Variants in MTIF2 observed in about 807,000 individuals in gnomAD.
MTIF2 encodes translation initiation factor IF-2, mitochondrial.
Under a neutral mutation model 83.5 loss-of-function variants are expected in MTIF2, and 71 were observed. The ratio of observed to expected loss-of-function variants is 0.85; its 90% CI spans 0.70 to 1.04. MTIF2 has a LOEUF of 1.04. MTIF2 is among the 50% of genes least tolerant of loss of function. MTIF2 has a pLI of 0.00. For synonymous variants in MTIF2, 319 were observed against 287.1 expected (o/e 1.11, Z -1.12); for missense variants, 957 against 846.5 (o/e 1.13, Z -1.62).
chr2:55,237,743 G>A (rs140480052), intron 14 of MTIF2, among the ~76,000 whole-genome samples: 8,802 of 136,928 alleles, frequency 0.064, 350 homozygotes, highest in Non-Finnish European at 0.09. Flanking sequence ...CTCCACCTCC[G>A]GGGTTTAAGC....
intron 3 of MTIF2, among the ~76,000 whole-genome samples, chr2:55,265,424 G>A (rs944424954): frequency 6.6e-6 from 1 of 151,404 alleles, no homozygotes; most frequent in East Asian, 1.9e-4. Flanking sequence ...TCAGGCACAC[G>A]AGACACTACC....
rs151189093 is a variant in MTIF2, at chr2:55,263,871, G to GAA, written c.-7-8_-7-7dup. The stretch of plus-strand genomic sequence containing the variant: ...GCTTCTGGTTCATGTTTCTCCTGGG[G>GAA]AAAAAAAAAAGGTTTTAAAATAATA... On this transcript the variant is annotated splice_region_variant and splice_polypyrimidine_tract_variant and intron_variant, in intron 3 of 15. Coordinates refer to ENST00000263629, the MANE Select transcript of MTIF2 (RefSeq NM_002453.3). 4.3e-4 allele frequency: 613 copies of GAA among 1,439,804 alleles called. No homozygotes were observed. Among genetic ancestry groups the GAA allele is most frequent in the Admixed American group, 6.6e-4 (32 of 48,336 alleles). The allele number at this position is 1,439,804 out of a possible 1,614,324, so 89.2% of individuals were successfully genotyped here. A position where few individuals can be genotyped will look rare whatever the true frequency, so the allele number is the denominator to read the frequency against.
chr2:55,256,140 G>T (rs959376020), intron 5 of MTIF2, among the ~76,000 whole-genome samples: 1 of 152,176 alleles, frequency 6.6e-6, no homozygotes, highest in Non-Finnish European at 1.5e-5. Flanking sequence ...CTCCCAGAGT[G>T]CTGGGATCAC....
At chr2:55,249,045 G>A (rs576323732) in intron 9 of MTIF2, among the ~76,000 whole-genome samples, 74 of 152,266 alleles carry the variant, frequency 4.9e-4, no homozygotes, top group African/African-American at 1.7e-3. Context: ...AGGCTGAGGT[G>A]GGAGGACAAC....
At chr2:55,244,664 C>T (rs1400745204) in intron 10 of MTIF2, among the ~76,000 whole-genome samples, 1 of 152,004 alleles carries the variant, frequency 6.6e-6, no homozygotes, top group Non-Finnish European at 1.5e-5. Context: ...GCTGTAATCC[C>T]AGCACTTTTG....
intron 15 of MTIF2, among the ~76,000 whole-genome samples, 188 bp from the exon 16 acceptor site, chr2:55,237,008 T>C (rs952519683): frequency 2.0e-5 from 3 of 152,202 alleles, no homozygotes; most frequent in Non-Finnish European, 4.4e-5. Context: ...TGAATAAGAC[T>C]TGATTTGTAA....
chr2:55,261,260 C>T (rs569844383), intron 5 of MTIF2, among the ~76,000 whole-genome samples: 19 of 152,190 alleles, frequency 1.2e-4, no homozygotes, highest in African/African-American at 4.3e-4. Context: ...CGTGAGCCAC[C>T]GTGCCTGGCT....
intron 14 of MTIF2, among the ~76,000 whole-genome samples, chr2:55,238,389 G>GTTTT (rs34278300): frequency 1.1e-4 from 13 of 117,440 alleles, no homozygotes; most frequent in East Asian, 1.0e-3. Flanking sequence ...TCTGAGCCTG[G>GTTTT]TTTTTTTTTT....
chr2:55,239,022 G>C (rs1371030425), intron 14 of MTIF2, among the ~76,000 whole-genome samples: 2 of 152,176 alleles, frequency 1.3e-5, no homozygotes, highest in Non-Finnish European at 2.9e-5. Flanking sequence ...CAAAATAGCT[G>C]TCCAATATGC....
chr2:55,261,895 T>C (rs1678023571), intron 5 of MTIF2, among the ~76,000 whole-genome samples: 2 of 132,904 alleles, frequency 1.5e-5, no homozygotes, highest in East Asian at 2.1e-4. Flanking sequence ...GCCATGATCA[T>C]GCCACTATAC....
chr2:55,256,161 C>A (rs1677514437), intron 5 of MTIF2, among the ~76,000 whole-genome samples: 1 of 152,082 alleles, frequency 6.6e-6, no homozygotes, highest in African/African-American at 2.4e-5. Flanking sequence ...AGGCATGAGC[C>A]ACCATGCCCA....
chr2:55,264,809 G>C (rs1243627406), intron 3 of MTIF2, among the ~76,000 whole-genome samples: 2 of 152,054 alleles, frequency 1.3e-5, no homozygotes, highest in Non-Finnish European at 2.9e-5. Flanking sequence ...GTTTTTTTGA[G>C]AAAAAACTGT....
intron 13 of MTIF2, among the ~76,000 whole-genome samples, chr2:55,242,306 T>C (rs1043018529): frequency 2.6e-5 from 4 of 152,200 alleles, no homozygotes; most frequent in Non-Finnish European, 5.9e-5. Context: ...CTAACTCTAA[T>C]CAAGTCAGGT....
Position 55,244,189 on chromosome 2 carries a change from C to A in MTIF2, c.1151G>T (p.Gly384Val). 1 of 1,613,910 alleles carries A rather than the reference C, an allele frequency of 6.2e-7. No homozygotes were observed. Among genetic ancestry groups the A allele is most frequent in the East Asian group, 2.2e-5 (1 of 44,866 alleles). Residue 384 changes from glycine to valine, a missense_variant, in exon 11 of 16, where the codon GGC becomes GTC. By Grantham distance (109) the Gly-to-Val change is moderately radical. This residue lies in a region of MTIF2 where 733 missense variants were observed against 648.7 expected (regional missense o/e 1.13). Coordinates refer to ENST00000263629, the MANE Select transcript of MTIF2 (RefSeq NM_002453.3). ...AIIQRGTLRKGSVLVAGKCWA... is the reference protein window; with the variant it reads ...AIIQRGTLRKVSVLVAGKCWA... Reference sequence around the variant, plus strand: ...ACATTTTCCAGCAACCAGAACAGAGCCTTTTCTTAAAGTTCCTCTTTGAAT... The same window carrying A: ...ACATTTTCCAGCAACCAGAACAGAGACTTTTCTTAAAGTTCCTCTTTGAAT...
intron 3 of MTIF2, among the ~76,000 whole-genome samples, chr2:55,265,945 G>C (rs762308614): frequency 6.6e-6 from 1 of 151,936 alleles, no homozygotes; most frequent in African/African-American, 2.4e-5. Context: ...CATAGTATTT[G>C]CTTTGTATTA....
At chr2:55,241,482 T>C (rs1676302002) in intron 13 of MTIF2, among the ~76,000 whole-genome samples, 1 of 149,008 alleles carries the variant, frequency 6.7e-6, no homozygotes, top group Non-Finnish European at 1.5e-5. Context: ...ACAAAATGAA[T>C]GAAAAAAATT....
chr2:55,249,752 A>C (rs2104371842), intron 8 of MTIF2, among the ~76,000 whole-genome samples: 1 of 152,246 alleles, frequency 6.6e-6, no homozygotes, highest in Non-Finnish European at 1.5e-5. Flanking sequence ...GTATAATTAT[A>C]AGCAGATTCT....
chr2:55,257,282 C>G lies in MTIF2; in HGVS notation c.332-2457G>C, dbSNP rs574057725. 3.2e-4 allele frequency among the ~76,000 whole-genome samples: 48 copies of G among 152,228 alleles called. 1 individual carries two copies. The South Asian group carries it at 9.7e-3, about 31-fold the overall frequency. On this transcript the variant is annotated intron_variant, in intron 5 of 15. Transcript: ENST00000263629. Reference sequence around the variant, plus strand: ...ATCACCTAAGATGAGGAGTTTGAGACGAGCCTGGCCAACATGGTGAAACCC... The same window carrying G: ...ATCACCTAAGATGAGGAGTTTGAGAGGAGCCTGGCCAACATGGTGAAACCC...
At chr2:55,264,378 C>T (rs531046235) in intron 3 of MTIF2, among the ~76,000 whole-genome samples, 6 of 152,198 alleles carry the variant, frequency 3.9e-5, no homozygotes, top group African/African-American at 1.4e-4. Flanking sequence ...ACTAGAGGTG[C>T]GCACCACTAT....
Sources: gnomAD v4.1 joint callset for allele counts (sites outside exome capture counted in the v4.1 genomes callset) on GRCh38, gnomAD v4.1.1 for gene constraint, gnomAD v4.1.1 regional missense constraint, MANE v1.5 for transcripts, NCBI Gene and HGNC (gene_info 2026-07-23, HGNC 2026-07-21) for gene names.